Variants in MACROD2 observed in about 807,000 individuals in gnomAD.
MACROD2 encodes the protein mono-ADP ribosylhydrolase 2, also known as ADP-ribose glycohydrolase MACROD2.
MACROD2 carries 36 observed loss-of-function variants against 70.4 expected under a neutral mutation model. That is an observed-to-expected ratio of 0.51 (90% confidence interval 0.39 to 0.68). The LOEUF is 0.68. Among genes scored for constraint, MACROD2 ranks in the 30% least tolerant of loss-of-function variants. The pLI is 0.00. For missense variants in MACROD2, 496 were observed against 538.4 expected (o/e 0.92, Z 0.78); for synonymous variants, 172 against 178.8 (o/e 0.96, Z 0.30).
intron 5 of MACROD2, among the ~76,000 whole-genome samples, chr20:14,801,539 G>C (rs559993041): frequency 6.6e-6 from 1 of 152,122 alleles, no homozygotes; most frequent in Admixed American, 6.5e-5. Context: ...TTTTTATACA[G>C]TAATAGCTAC....
intron 4 of MACROD2, among the ~76,000 whole-genome samples, chr20:14,610,172 G>A (rs192156055): frequency 1.3e-5 from 2 of 152,218 alleles, no homozygotes; most frequent in African/African-American, 4.8e-5. Context: ...GGGTCATTTA[G>A]TTTGGAAAGG....
chr20:15,135,807 T>A (rs1239650046), intron 5 of MACROD2, among the ~76,000 whole-genome samples: 4 of 144,604 alleles, frequency 2.8e-5, no homozygotes, highest in Non-Finnish European at 6.1e-5. Flanking sequence ...ATTGTATATC[T>A]AGAAAACCCC....
chr20:15,681,191 T>C (rs1048920940), intron 8 of MACROD2, among the ~76,000 whole-genome samples: 11 of 152,346 alleles, frequency 7.2e-5, no homozygotes, highest in African/African-American at 2.6e-4. Flanking sequence ...CTTGTACTCT[T>C]GGTTTAAAGT....
intron 5 of MACROD2, among the ~76,000 whole-genome samples, chr20:15,101,792 T>C (rs907766704): frequency 3.3e-5 from 5 of 152,020 alleles, no homozygotes; most frequent in African/African-American, 9.7e-5. Flanking sequence ...ATAGATTTTC[T>C]AAAAGGTCTA....
chr20:15,641,537 A>T (rs191647904), intron 8 of MACROD2, among the ~76,000 whole-genome samples: 1 of 152,276 alleles, frequency 6.6e-6, no homozygotes, highest in East Asian at 1.9e-4. Context: ...CTCTTCATGG[A>T]ATCTGGTATA....
rs13041763 is a variant in MACROD2, at chr20:14,274,603, C to A, written c.271+188875C>A. ...AACTGGCACAAGACAGGGATGCCCT[C>A]TCTCACCACTCCTATTCAACATAGT... On this transcript the variant is annotated intron_variant, in intron 3 of 17. Coordinates refer to ENST00000684519, the MANE Select transcript of MACROD2 (RefSeq NM_001351661.2). Among the ~76,000 whole-genome samples, 332 of 151,680 alleles carry A rather than the reference C, an allele frequency of 2.2e-3. 1 individual carries two copies. Among genetic ancestry groups the A allele is most frequent in the Non-Finnish European group, 3.6e-3 (246 of 67,768 alleles).
chr20:16,009,087 G>T (rs1340590090), intron 15 of MACROD2, among the ~76,000 whole-genome samples: 1 of 152,056 alleles, frequency 6.6e-6, no homozygotes, highest in South Asian at 2.1e-4. Flanking sequence ...GCATCTGTCA[G>T]AGCTGGCTCT....
chr20:14,903,039 C>CT (rs11483540), intron 5 of MACROD2, among the ~76,000 whole-genome samples: 44,512 of 116,712 alleles, frequency 0.38, 9,183 homozygotes, highest in Non-Finnish European at 0.41. Context: ...TTTTCTTTCC[C>CT]TTTTTTTTTT....
intron 4 of MACROD2, among the ~76,000 whole-genome samples, chr20:14,683,372 C>G (rs1287735238): frequency 6.6e-6 from 1 of 152,132 alleles, no homozygotes. Flanking sequence ...CCATTATTGA[C>G]AAGGACTTGT....
intron 3 of MACROD2, among the ~76,000 whole-genome samples, chr20:14,414,437 C>T (rs2083782141): frequency 6.6e-6 from 1 of 152,122 alleles, no homozygotes; most frequent in Non-Finnish European, 1.5e-5. Flanking sequence ...ATTGCTGGCC[C>T]CCACTCCCAA....
At chr20:15,827,799 G>A (rs6034296) in intron 8 of MACROD2, among the ~76,000 whole-genome samples, 131,325 of 152,216 alleles carry the variant, frequency 0.86, 56,925 homozygotes, top group East Asian at 0.94. Flanking sequence ...ATTTGCATAG[G>A]GCATTGTGGT....
intron 4 of MACROD2, among the ~76,000 whole-genome samples, chr20:14,678,724 T>C (rs2070892870): frequency 6.6e-6 from 1 of 152,162 alleles, no homozygotes; most frequent in African/African-American, 2.4e-5. Flanking sequence ...CAGCCTGCTG[T>C]CTTTTTATTC....
chr20:15,068,633 G>T (rs1228196102), intron 5 of MACROD2, among the ~76,000 whole-genome samples: 1 of 152,062 alleles, frequency 6.6e-6, no homozygotes, highest in African/African-American at 2.4e-5. Context: ...TGACATGCTG[G>T]CTCCCCCTTT....
chr20:15,170,425 G>A (rs964894357), intron 5 of MACROD2, among the ~76,000 whole-genome samples: 1 of 152,160 alleles, frequency 6.6e-6, no homozygotes, highest in Non-Finnish European at 1.5e-5. Context: ...GAGAAGTCAG[G>A]TAGGACCAGC....
chr20:15,609,816 C>T (rs2048942315), intron 8 of MACROD2, among the ~76,000 whole-genome samples: 1 of 152,172 alleles, frequency 6.6e-6, no homozygotes, highest in South Asian at 2.1e-4. Context: ...ATAATTGCAG[C>T]CACCACAAAT....
chr20:14,687,519 A>G (rs1291327786), intron 5 of MACROD2, among the ~76,000 whole-genome samples: 3 of 152,182 alleles, frequency 2.0e-5, no homozygotes, highest in Non-Finnish European at 2.9e-5. Flanking sequence ...AAGAATTCCA[A>G]TGCTTGAGTC....
At chr20:14,591,843 C>A (rs536721774) in intron 4 of MACROD2, among the ~76,000 whole-genome samples, 2 of 152,186 alleles carry the variant, frequency 1.3e-5, no homozygotes, top group Admixed American at 6.5e-5. Context: ...TCTGGGAATT[C>A]TGGAAAAATA....
At chr20:15,570,335 G>A (rs1312441240) in intron 8 of MACROD2, among the ~76,000 whole-genome samples, 3 of 152,038 alleles carry the variant, frequency 2.0e-5, no homozygotes, top group Non-Finnish European at 4.4e-5. Flanking sequence ...TAGAATGTTG[G>A]CACTTTGAAA....
intron 5 of MACROD2, among the ~76,000 whole-genome samples, chr20:14,876,925 A>G (rs1331225055): frequency 6.6e-6 from 1 of 152,158 alleles, no homozygotes; most frequent in African/African-American, 2.4e-5. Context: ...CTTTTTGCTT[A>G]GGATTGCTTT....
Sources: gnomAD v4.1 joint callset for allele counts (sites outside exome capture counted in the v4.1 genomes callset) on GRCh38, gnomAD v4.1.1 for gene constraint, MANE v1.5 for transcripts, NCBI Gene and HGNC (gene_info 2026-07-23, HGNC 2026-07-21) for gene names.